Variants in FHIT observed in about 807,000 individuals in gnomAD.
FHIT encodes the protein bis(5'-adenosyl)-triphosphatase.
In FHIT, 19 loss-of-function variants were observed where a neutral mutation model predicts 17.9. The observed-to-expected ratio is 1.06, with a 90% confidence interval of 0.74 to 1.56. The LOEUF (loss-of-function observed/expected upper bound fraction) is 1.56, where lower values mean the gene tolerates loss of function less well. Among genes scored for constraint, FHIT ranks in the 40% most tolerant of loss-of-function variants. The pLI, the probability that FHIT is intolerant of heterozygous loss-of-function variation, is 0.00. For missense variants in FHIT, 248 were observed against 189.2 expected (o/e 1.31, Z -1.82); for synonymous variants, 81 against 69.7 (o/e 1.16, Z -0.81).
chr3:60,141,273 T>G (rs1326815118), intron 5 of FHIT, among the ~76,000 whole-genome samples: 1 of 149,052 alleles, frequency 6.7e-6, no homozygotes, highest in African/African-American at 2.5e-5. Context: ...GGCTTCAGAG[T>G]TTTTCAGGGT....
At chr3:61,089,627 G>A (rs1450352934) in intron 2 of FHIT, among the ~76,000 whole-genome samples, 1 of 152,106 alleles carries the variant, frequency 6.6e-6, no homozygotes, top group Non-Finnish European at 1.5e-5. Flanking sequence ...TAGTTAAAGG[G>A]ATTGAGCCTA....
intron 5 of FHIT, among the ~76,000 whole-genome samples, chr3:60,402,942 C>G (rs747938991): frequency 2.0e-5 from 3 of 152,188 alleles, no homozygotes; most frequent in Non-Finnish European, 4.4e-5. Flanking sequence ...TACCTACTTT[C>G]AAGGACCACC....
chr3:59,938,340 T>C (rs545257570), intron 7 of FHIT, among the ~76,000 whole-genome samples: 6 of 152,260 alleles, frequency 3.9e-5, no homozygotes, highest in Admixed American at 6.5e-5. Flanking sequence ...ATGTGGAATC[T>C]TAAAGTAAAA....
intron 3 of FHIT, among the ~76,000 whole-genome samples, chr3:60,974,153 A>G (rs1287202842): frequency 6.6e-6 from 1 of 152,220 alleles, no homozygotes; most frequent in Non-Finnish European, 1.5e-5. Context: ...TAATGATATC[A>G]AGTTATTTGA....
intron 8 of FHIT, among the ~76,000 whole-genome samples, chr3:59,873,655 T>C (rs1703021101): frequency 6.6e-6 from 1 of 152,204 alleles, no homozygotes; most frequent in Admixed American, 6.5e-5. Flanking sequence ...TTGATGCTAG[T>C]GGCACACAGC....
intron 5 of FHIT, among the ~76,000 whole-genome samples, chr3:60,373,534 G>T (rs1291659551): frequency 6.6e-6 from 1 of 152,032 alleles, no homozygotes; most frequent in Admixed American, 6.6e-5. Flanking sequence ...TAAAAACAAT[G>T]GGAAGCCAAG....
chr3:60,959,168 C>G lies in FHIT; in HGVS notation c.-111+82879G>C, dbSNP rs1479136793. 4.6e-5 allele frequency among the ~76,000 whole-genome samples: 7 copies of G among 152,288 alleles called. No individual in the cohort carries two copies. In the East Asian group the frequency reaches 1.4e-3, roughly 29 times the overall value. On this transcript the variant is annotated intron_variant, in intron 3 of 9. Coordinates refer to ENST00000492590, the MANE Select transcript of FHIT (RefSeq NM_002012.4). ...CTTTATAAATGTAACTGCTCTTGGG[C>G]ATAGTGGTGCTATCAGGCAGACCTA...
chr3:60,504,309 C>A (rs2034640524), intron 5 of FHIT, among the ~76,000 whole-genome samples: 1 of 152,070 alleles, frequency 6.6e-6, no homozygotes, highest in Admixed American at 6.6e-5. Flanking sequence ...TGGCACGCGC[C>A]TGTAATCCCA....
At chr3:59,995,032 C>T (rs908756078) in intron 7 of FHIT, among the ~76,000 whole-genome samples, 3 of 152,076 alleles carry the variant, frequency 2.0e-5, no homozygotes, top group South Asian at 4.1e-4. Context: ...CAGCAAAGAA[C>T]CATCGATCTC....
intron 5 of FHIT, among the ~76,000 whole-genome samples, chr3:60,458,027 G>A (rs1327324643): frequency 3.9e-5 from 6 of 152,114 alleles, no homozygotes; most frequent in African/African-American, 1.4e-4. Context: ...CAGTGTGGCG[G>A]TTCCTCAGGG....
intron 3 of FHIT, among the ~76,000 whole-genome samples, chr3:60,987,974 A>G (rs2029868566): frequency 6.6e-6 from 1 of 152,218 alleles, no homozygotes; most frequent in Non-Finnish European, 1.5e-5. Context: ...TAAAATCAAT[A>G]TCTTTACTAT....
chr3:61,049,016 C>T (rs917843564), intron 2 of FHIT, among the ~76,000 whole-genome samples: 7 of 151,818 alleles, frequency 4.6e-5, no homozygotes, highest in South Asian at 2.1e-4. Context: ...AGGAGATATA[C>T]CTAATGCTAA....
chr3:59,843,965 T>A (rs1701625129), intron 8 of FHIT, among the ~76,000 whole-genome samples: 1 of 152,026 alleles, frequency 6.6e-6, no homozygotes, highest in Non-Finnish European at 1.5e-5. Context: ...TGATAATGAG[T>A]GTGTTCTCAT....
chr3:60,881,696 GA>G (rs1342656811), intron 3 of FHIT, among the ~76,000 whole-genome samples: 1 of 151,744 alleles, frequency 6.6e-6, no homozygotes, highest in East Asian at 1.9e-4. Flanking sequence ...AAATTAAGAA[GA>G]AAATTTAAAA....
At chr3:60,076,607 G>T (rs1239535381) in intron 5 of FHIT, among the ~76,000 whole-genome samples, 2 of 151,958 alleles carry the variant, frequency 1.3e-5, no homozygotes, top group Non-Finnish European at 2.9e-5. Context: ...AGCAATGCAT[G>T]TTTATGTAGT....
At chr3:60,264,928 A>T (rs934704764) in intron 5 of FHIT, among the ~76,000 whole-genome samples, 4 of 151,730 alleles carry the variant, frequency 2.6e-5, no homozygotes, top group Non-Finnish European at 4.4e-5. Context: ...TTTTCTTTAT[A>T]TCCTTATACG....
chr3:60,008,779 T>C (rs1393892556), intron 7 of FHIT, among the ~76,000 whole-genome samples: 2 of 152,232 alleles, frequency 1.3e-5, no homozygotes, highest in Non-Finnish European at 2.9e-5. Flanking sequence ...AATTGTAGTA[T>C]TCACAACTGG....
At chr3:60,097,268 G>T (rs767945599) in intron 5 of FHIT, among the ~76,000 whole-genome samples, 5 of 152,048 alleles carry the variant, frequency 3.3e-5, no homozygotes, top group Non-Finnish European at 5.9e-5. Flanking sequence ...AAGATGAGGA[G>T]CTTAAATGGA....
At chr3:60,195,561 T>TATTTTTATATATA (rs61215575) in intron 5 of FHIT, among the ~76,000 whole-genome samples, 2 of 21,194 alleles carry the variant, frequency 9.4e-5, no homozygotes, top group Non-Finnish European at 1.5e-4. Context: ...ATATATATAT[T>TATTTTTATATATA]TATATTTATA....
Sources: allele counts gnomAD v4.1 joint callset (sites outside exome capture counted in the v4.1 genomes callset), GRCh38; gene constraint gnomAD v4.1.1; transcripts MANE v1.5; gene names NCBI Gene and HGNC (gene_info 2026-07-23, HGNC 2026-07-21).